ST6GALNAC5: variants seen among roughly 807,000 people sequenced by gnomAD.
ST6GALNAC5 encodes the protein alpha-N-acetylgalactosaminide alpha-2,6-sialyltransferase 5.
A neutral mutation model predicts 33.6 loss-of-function variants in ST6GALNAC5; 27 were observed. The observed-to-expected ratio is 0.80, with a 90% CI of 0.59 to 1.11. ST6GALNAC5 has a LOEUF of 1.11. ST6GALNAC5 is among the 50% of genes least tolerant of loss of function. The pLI, the probability that ST6GALNAC5 is intolerant of heterozygous loss-of-function variation, is 0.00. For missense variants in ST6GALNAC5, 428 were observed against 454.0 expected (o/e 0.94, Z 0.52); for synonymous variants, 194 against 171.2 (o/e 1.13, Z -1.04).
chr1:76,981,336 C>T (rs12027255), intron 2 of ST6GALNAC5, among the ~76,000 whole-genome samples: 52,130 of 152,160 alleles, frequency 0.34, 10,928 homozygotes, highest in Non-Finnish European at 0.45. Flanking sequence ...AGGTGATTCT[C>T]TCCTGTGCCT....
chr1:77,026,791 CTGAA>C (rs58272106), intron 2 of ST6GALNAC5, among the ~76,000 whole-genome samples: 35,465 of 149,122 alleles, frequency 0.24, 4,222 homozygotes, highest in Middle Eastern at 0.33. Context: ...AGAACACTTT[CTGAA>C]TGAATGAATG....
At chr1:77,050,008 A>G (rs1570138548) in intron 3 of ST6GALNAC5, among the ~76,000 whole-genome samples, 1 of 152,222 alleles carries the variant, frequency 6.6e-6, no homozygotes, top group Non-Finnish European at 1.5e-5. Flanking sequence ...TTGATGATGC[A>G]GAAGTCCCTT....
chr1:77,012,199 C>T (rs576735334), intron 2 of ST6GALNAC5, among the ~76,000 whole-genome samples: 1 of 152,246 alleles, frequency 6.6e-6, no homozygotes, highest in Admixed American at 6.5e-5. Flanking sequence ...AAGAAAGATG[C>T]CTTCTCTGCA....
At chr1:76,996,879 C>T (rs759681682) in intron 2 of ST6GALNAC5, among the ~76,000 whole-genome samples, 21 of 152,112 alleles carry the variant, frequency 1.4e-4, no homozygotes, top group Non-Finnish European at 2.2e-4. Flanking sequence ...CAGGTGAGAT[C>T]CTCAGAGATG....
At chr1:77,014,886 G>A (rs1650765001) in intron 2 of ST6GALNAC5, among the ~76,000 whole-genome samples, 1 of 152,178 alleles carries the variant, frequency 6.6e-6, no homozygotes, top group Admixed American at 6.5e-5. Flanking sequence ...TTTAAAAACT[G>A]TATTTTGTAG....
intron 2 of ST6GALNAC5, among the ~76,000 whole-genome samples, chr1:76,936,256 C>T (rs74995828): frequency 0.025 from 3,874 of 152,094 alleles, 172 homozygotes; most frequent in African/African-American, 0.088. Flanking sequence ...TTTTTACATT[C>T]ATTTGAAGCT....
chr1:76,874,716 C>A lies in ST6GALNAC5; in HGVS notation c.261+5974C>A, dbSNP rs1202390755. Among the ~76,000 whole-genome samples, 4 of 152,242 alleles carry A rather than the reference C, an allele frequency of 2.6e-5. No individual in the cohort carries two copies. In the East Asian group the frequency reaches 7.7e-4, roughly 29 times the overall value. ...AAGGGTGGCTCTGCCTTCCCCAGCG[C>A]ACTGACTCAAATGTTAATCCCTTTT... On this transcript the variant is annotated intron_variant, in intron 2 of 4. Transcript: ENST00000477717.
chr1:77,057,792 A>G (rs1254540717), intron 4 of ST6GALNAC5, among the ~76,000 whole-genome samples: 1 of 152,154 alleles, frequency 6.6e-6, no homozygotes, highest in Non-Finnish European at 1.5e-5. Flanking sequence ...TTGGAGCAAC[A>G]TGTCCTAAAC....
intron 2 of ST6GALNAC5, among the ~76,000 whole-genome samples, chr1:76,940,037 C>A (rs1435652184): frequency 2.0e-5 from 3 of 152,048 alleles, no homozygotes; most frequent in Non-Finnish European, 4.4e-5. Flanking sequence ...ATAAGATTGG[C>A]ACTTACAGCT....
chr1:77,050,438 C>A, intron 4 of ST6GALNAC5, 73 bp downstream of exon 4: 1 of 1,412,054 alleles, frequency 7.1e-7, no homozygotes, highest in South Asian at 1.2e-5. Flanking sequence ...TTCTGAATAT[C>A]AACCATGAAA....
At chr1:76,867,770 C>A (rs1653375400) in intron 1 of ST6GALNAC5, 80 bp downstream of exon 1, 1 of 1,604,112 alleles carries the variant, frequency 6.2e-7, no homozygotes, top group African/African-American at 1.3e-5. Context: ...CGTGGAGACT[C>A]CGAGACGCCT....
intron 2 of ST6GALNAC5, among the ~76,000 whole-genome samples, chr1:76,958,931 G>A (rs1648114682): frequency 6.6e-6 from 1 of 152,076 alleles, no homozygotes; most frequent in African/African-American, 2.4e-5. Flanking sequence ...TATCCTCTCA[G>A]GTGTGACATT....
Position 76,868,440 on chromosome 1 carries a change from G to A in ST6GALNAC5, c.16-57G>A. ...CCGCACAGTTGTCCCCGCTGGGCGC[G>A]CTCCTCCGGTGTCTGCGCTCAGCCG... On this transcript the variant is annotated intron_variant, in intron 1 of 4. Transcript: ENST00000477717. The surrounding 1 kb of genome is among the most constrained non-coding windows in gnomAD (Gnocchi z 4.3). 2 of 1,547,034 alleles carry A rather than the reference G, an allele frequency of 1.3e-6. No individual in the cohort carries two copies. Among genetic ancestry groups the A allele is most frequent in the South Asian group, 1.2e-5 (1 of 80,522 alleles).
Position 77,065,291 on chromosome 1 carries a change from G to A in ST6GALNAC5, c.*2085G>A, listed in dbSNP as rs909235618. ...AGGCATAGTTTCAACATGCAAGAAT[G>A]TAATTATATTGCTTCATCTAATAAT... On this transcript the variant is annotated 3_prime_UTR_variant, in exon 5 of 5. Transcript: ENST00000477717. 1 of 152,108 alleles carries A rather than the reference G, an allele frequency of 6.6e-6. No individual in the cohort carries two copies. The highest frequency in any genetic ancestry group is 2.4e-5 in the African/African-American group (1 of 41,422). The allele number at this position is 152,108 out of a possible 1,614,324, so 9.4% of individuals were successfully genotyped here.
chr1:76,924,156 A>G (rs937763448), intron 2 of ST6GALNAC5, among the ~76,000 whole-genome samples: 2 of 152,100 alleles, frequency 1.3e-5, no homozygotes, highest in African/African-American at 2.4e-5. Context: ...ATAAAGAAGT[A>G]ATATTTCTAT....
chr1:76,980,810 G>A (rs1272880386), intron 2 of ST6GALNAC5, among the ~76,000 whole-genome samples: 1 of 152,058 alleles, frequency 6.6e-6, no homozygotes, highest in South Asian at 2.1e-4. Context: ...CCTTGATTAG[G>A]TATGGATTCT....
At chr1:76,987,473 C>A (rs566967181) in intron 2 of ST6GALNAC5, among the ~76,000 whole-genome samples, 1 of 152,126 alleles carries the variant, frequency 6.6e-6, no homozygotes, top group African/African-American at 2.4e-5. Context: ...AAATTGGAAC[C>A]CTCATACGTT....
chr1:77,046,919 C>T lies in ST6GALNAC5; in HGVS notation c.671+2306C>T, dbSNP rs150399709. Among the ~76,000 whole-genome samples, 868 of 152,348 alleles carry T rather than the reference C, an allele frequency of 5.7e-3. 7 individuals carry two copies. Among genetic ancestry groups the T allele is most frequent in the African/African-American group, 0.02 (819 of 41,584 alleles). ...GCTGATAAGTTAGATACTAAGTCAT[C>T]ATACCCTTTGGCCACTCAGGATCTT... On this transcript the variant is annotated intron_variant, in intron 3 of 4. Coordinates refer to ENST00000477717, the MANE Select transcript of ST6GALNAC5 (RefSeq NM_030965.3).
chr1:76,958,181 A>T (rs1294744689), intron 2 of ST6GALNAC5, among the ~76,000 whole-genome samples: 7 of 152,034 alleles, frequency 4.6e-5, no homozygotes, highest in African/African-American at 1.7e-4. Flanking sequence ...GGTGGCGGCA[A>T]CCGCTTCTCT....
Sources: gnomAD v4.1 joint callset for allele counts (sites outside exome capture counted in the v4.1 genomes callset) on GRCh38, gnomAD v4.1.1 for gene constraint, Gnocchi (gnomAD v3.1) non-coding constraint, MANE v1.5 for transcripts, NCBI Gene and HGNC (gene_info 2026-07-23, HGNC 2026-07-21) for gene names.